CYP7B1: variants seen among roughly 807,000 people sequenced by gnomAD.
CYP7B1 encodes the protein cytochrome P450 7B1.
CYP7B1 carries 29 observed loss-of-function variants against 42.7 expected under a neutral mutation model. That is an observed-to-expected ratio of 0.68 (90% CI 0.51 to 0.93). CYP7B1 has a LOEUF of 0.93. Ranked by LOEUF, CYP7B1 falls within the 40% of genes least tolerant of loss-of-function variation. The probability of loss-of-function intolerance (pLI) is 0.00; values close to 1 mark genes in which losing one functional copy is unlikely to be tolerated. For missense variants in CYP7B1, 655 were observed against 600.5 expected (o/e 1.09, Z -0.95); for synonymous variants, 235 against 218.2 (o/e 1.08, Z -0.68).
At chr8:64,682,093 G>A (rs1293099997) in intron 1 of CYP7B1, among the ~76,000 whole-genome samples, 1 of 152,132 alleles carries the variant, frequency 6.6e-6, no homozygotes, top group Non-Finnish European at 1.5e-5. Context: ...TTTAAAGATG[G>A]GCAACCGTTC....
At chr8:64,719,598 T>C (rs188184287) in intron 1 of CYP7B1, among the ~76,000 whole-genome samples, 49 of 152,196 alleles carry the variant, frequency 3.2e-4, no homozygotes, top group African/African-American at 1.1e-3. Flanking sequence ...ACAATCAGAG[T>C]TAAGGTTTTA....
downstream of CYP7B1, among the ~76,000 whole-genome samples, chr8:64,588,166 GAAT>G (rs1585790780): frequency 2.0e-5 from 3 of 151,950 alleles, no homozygotes; most frequent in East Asian, 5.8e-4. Context: ...TGCTATAGAA[GAAT>G]GATACATTTT....
chr8:64,591,197 A>G lies in CYP7B1; in HGVS notation c.*5445T>C, dbSNP rs1805028411. On this transcript the variant is annotated 3_prime_UTR_variant, in exon 6 of 6. Transcript: ENST00000310193. ...AAGCCAAAAAGTTCAAACATCAATG[A>G]TCACTGATTTAGATAAACAAATGAA... Among the ~76,000 whole-genome samples the G allele has an allele frequency of 6.6e-6, 1 of 152,212 alleles. No individual in the cohort carries two copies. The highest frequency in any genetic ancestry group is 1.5e-5 in the Non-Finnish European group (1 of 68,006).
At chr8:64,626,616 C>G (rs1399354365) in intron 1 of CYP7B1, among the ~76,000 whole-genome samples, 1 of 152,038 alleles carries the variant, frequency 6.6e-6, no homozygotes, top group African/African-American at 2.4e-5. Flanking sequence ...AGTTAAAAAA[C>G]AAGTTTTTTC....
Position 64,666,084 on chromosome 8 carries a change from G to C in CYP7B1, c.123-41545C>G, listed in dbSNP as rs925267768. Reference sequence around the variant, plus strand: ...CCACAATGTTAAATTAACTGTGATTGTTTCTAAGTATTGGCACTATGGTTA... The same window carrying C: ...CCACAATGTTAAATTAACTGTGATTCTTTCTAAGTATTGGCACTATGGTTA... On this transcript the variant is annotated intron_variant, in intron 1 of 5. Transcript: ENST00000310193. Among the ~76,000 whole-genome samples the C allele has an allele frequency of 5.3e-5, 8 of 152,130 alleles. No individual in the cohort carries two copies. In the South Asian group the frequency reaches 1.7e-3, roughly 32 times the overall value.
At chr8:64,746,209 G>A (rs1340003575) in intron 1 of CYP7B1, among the ~76,000 whole-genome samples, 1 of 152,106 alleles carries the variant, frequency 6.6e-6, no homozygotes, top group Non-Finnish European at 1.5e-5. Flanking sequence ...TATGGTATGG[G>A]TAGTAATTCT....
rs1000492764 is a variant in CYP7B1, at chr8:64,798,479, C to T, written c.109G>A (p.Val37Ile). Residue 37 changes from valine (V) to isoleucine (I), a missense_variant, in exon 1 of 6, where the codon GTC (valine) becomes ATC (isoleucine). By Grantham distance (29) the Val-to-Ile change is conservative. Coordinates refer to ENST00000310193, the MANE Select transcript of CYP7B1 (RefSeq NM_004820.5). The stretch of plus-strand genomic sequence containing the variant: ...CGAGGCGCTTACCTGGTGCGCCGGA[C>T]AAGCAAGCAGAGGGCCAGGAGCAGC... ...ALLLLALCLL[V>I]RRTRRPGEPP... 6.6e-7 allele frequency: 1 copy of T among 1,513,038 alleles called. No homozygotes were observed. The highest frequency in any genetic ancestry group is 2.6e-5 in the East Asian group (1 of 37,926). The allele number at this position is 1,513,038 out of a possible 1,614,324, so 93.7% of individuals were successfully genotyped here.
chr8:64,771,284 TCTC>T (rs1051278312), intron 1 of CYP7B1, among the ~76,000 whole-genome samples: 6 of 151,524 alleles, frequency 4.0e-5, no homozygotes, highest in South Asian at 2.1e-4. Flanking sequence ...ATGGTCTCGA[TCTC>T]CTGACCTCAT....
At chr8:64,765,537 T>G (rs1807958882) in intron 1 of CYP7B1, among the ~76,000 whole-genome samples, 1 of 152,178 alleles carries the variant, frequency 6.6e-6, no homozygotes, top group Non-Finnish European at 1.5e-5. Context: ...GGTAAAGGAC[T>G]GCTAGAATCC....
chr8:64,683,138 T>G (rs1300097317), intron 1 of CYP7B1, among the ~76,000 whole-genome samples: 1 of 152,194 alleles, frequency 6.6e-6, no homozygotes, highest in Non-Finnish European at 1.5e-5. Flanking sequence ...GGTCTAACGC[T>G]TCCCCCATTA....
chr8:64,735,166 A>G (rs1807468235), intron 1 of CYP7B1, among the ~76,000 whole-genome samples: 2 of 152,180 alleles, frequency 1.3e-5, no homozygotes, highest in African/African-American at 4.8e-5. Context: ...TTCCCTCAAT[A>G]TCTATATATT....
intron 1 of CYP7B1, among the ~76,000 whole-genome samples, chr8:64,786,097 T>C (rs1056442746): frequency 6.6e-6 from 1 of 152,050 alleles, no homozygotes; most frequent in Non-Finnish European, 1.5e-5. Flanking sequence ...CATGGGGGGA[T>C]TATGGGAACC....
intron 1 of CYP7B1, among the ~76,000 whole-genome samples, chr8:64,731,113 AC>A (rs1233716599): frequency 1.3e-5 from 2 of 152,052 alleles, no homozygotes; most frequent in Non-Finnish European, 1.5e-5. Flanking sequence ...TTTATAAATC[AC>A]CCAGTCTCCG....
chr8:64,694,594 A>T (rs904804329), intron 1 of CYP7B1, among the ~76,000 whole-genome samples: 5 of 152,306 alleles, frequency 3.3e-5, no homozygotes, highest in Admixed American at 2.6e-4. Flanking sequence ...GAGCATAGAA[A>T]CTCTTACAGC....
intron 1 of CYP7B1, among the ~76,000 whole-genome samples, chr8:64,734,857 G>A (rs1180305392): frequency 6.6e-6 from 1 of 152,104 alleles, no homozygotes; most frequent in Non-Finnish European, 1.5e-5. Context: ...AAGTATACTG[G>A]TTGCCTGAAA....
rs75358024 is a variant in CYP7B1 at position 64,749,872 on chromosome 8, T to C, written c.122+48594A>G. ...GAAGCTCAATATCTCTAGGGGAAAA[T>C]ATGATACGGGAGTTGGAAATCCTCC... On this transcript the variant is annotated intron_variant, in intron 1 of 5. Coordinates refer to ENST00000310193, the MANE Select transcript of CYP7B1 (RefSeq NM_004820.5). 6.2e-3 allele frequency among the ~76,000 whole-genome samples: 944 copies of C among 152,174 alleles called. 7 individuals carry two copies. Among genetic ancestry groups the C allele is most frequent in the African/African-American group, 0.022 (907 of 41,522 alleles).
At chr8:64,632,317 T>C (rs2129630749) in intron 1 of CYP7B1, among the ~76,000 whole-genome samples, 1 of 152,232 alleles carries the variant, frequency 6.6e-6, no homozygotes, top group Admixed American at 6.5e-5. Flanking sequence ...ATAAGCCAAG[T>C]ACAGAAAACA....
intron 1 of CYP7B1, among the ~76,000 whole-genome samples, chr8:64,754,541 G>A (rs1807778342): frequency 6.6e-6 from 1 of 152,112 alleles, no homozygotes; most frequent in South Asian, 2.1e-4. Context: ...AGGACTAGAG[G>A]AAGTAAGTCC....
chr8:64,715,779 A>C (rs1301982658), intron 1 of CYP7B1, among the ~76,000 whole-genome samples: 1 of 152,212 alleles, frequency 6.6e-6, no homozygotes, highest in Non-Finnish European at 1.5e-5. Context: ...ATGAACATAA[A>C]TTTAAGCATC....
Sources: gnomAD v4.1 joint callset for allele counts (sites outside exome capture counted in the v4.1 genomes callset) on GRCh38, gnomAD v4.1.1 for gene constraint, MANE v1.5 for transcripts, NCBI Gene and HGNC (gene_info 2026-07-23, HGNC 2026-07-21) for gene names.